The following YAP1 variants were observed in gnomAD, a reference collection of about 807,000 sequenced individuals.
YAP1 encodes transcriptional coactivator YAP1.
Under a neutral mutation model 56.9 loss-of-function variants are expected in YAP1, and 5 were observed. That is an observed-to-expected ratio of 0.09 (90% CI 0.05 to 0.18). The LOEUF (loss-of-function observed/expected upper bound fraction) is 0.18. YAP1 is among the 10% of genes least tolerant of loss of function. YAP1 has a pLI of 1.00. For synonymous variants in YAP1, 265 were observed against 248.1 expected (o/e 1.07, Z -0.64); for missense variants, 539 against 651.8 (o/e 0.83, Z 1.88).
intron 3 of YAP1, among the ~76,000 whole-genome samples, chr11:102,172,761 G>A (rs1946991159): frequency 6.6e-6 from 1 of 152,140 alleles, no homozygotes; most frequent in Non-Finnish European, 1.5e-5. Flanking sequence ...TGGGGATGGA[G>A]GGAGATGATA....
chr11:102,164,951 A>C (rs1200029941), intron 3 of YAP1, among the ~76,000 whole-genome samples: 1 of 151,982 alleles, frequency 6.6e-6, no homozygotes, highest in African/African-American at 2.4e-5. Flanking sequence ...TGAACTCCCA[A>C]CCTCAGGTGA....
chr11:102,164,626 T>C (rs1946490032), intron 3 of YAP1, among the ~76,000 whole-genome samples: 1 of 152,222 alleles, frequency 6.6e-6, no homozygotes, highest in Admixed American at 6.5e-5. Flanking sequence ...TGTCCTATTA[T>C]GTTTTCTGAT....
At chr11:102,222,762 A>C (rs1052871345) in intron 6 of YAP1, among the ~76,000 whole-genome samples, 1 of 152,080 alleles carries the variant, frequency 6.6e-6, no homozygotes, top group Non-Finnish European at 1.5e-5. Context: ...GAAAAACCTA[A>C]AGTCAAAATG....
chr11:102,114,089 G>T, intron 1 of YAP1, 55 bp from the exon 2 acceptor site: 1 of 1,507,346 alleles, frequency 6.6e-7, no homozygotes, highest in Non-Finnish European at 8.9e-7. Context: ...GAAATTTAAA[G>T]GGACTCAGTT....
intron 4 of YAP1, among the ~76,000 whole-genome samples, chr11:102,203,630 A>G (rs981873221): frequency 6.6e-6 from 1 of 152,218 alleles, no homozygotes; most frequent in Non-Finnish European, 1.5e-5. Context: ...ACAAGGATTC[A>G]TTATCTGTAT....
intron 3 of YAP1, among the ~76,000 whole-genome samples, chr11:102,166,877 A>G (rs1245308426): frequency 6.6e-6 from 1 of 152,126 alleles, no homozygotes; most frequent in African/African-American, 2.4e-5. Context: ...TCCTTAAGAT[A>G]CTGTAATTTC....
intron 6 of YAP1, among the ~76,000 whole-genome samples, chr11:102,216,931 A>G (rs1440929778): frequency 6.6e-6 from 1 of 152,204 alleles, no homozygotes; most frequent in East Asian, 1.9e-4. Flanking sequence ...TTCTTCTGTA[A>G]TAATACAAAA....
chr11:102,167,551 G>T (rs1463853045), intron 3 of YAP1, among the ~76,000 whole-genome samples: 1 of 152,128 alleles, frequency 6.6e-6, no homozygotes, highest in East Asian at 1.9e-4. Flanking sequence ...TGGCCAACAT[G>T]GTGAAACCCC....
chr11:102,128,697 T>TG (rs1171223932), intron 2 of YAP1, among the ~76,000 whole-genome samples: 3 of 152,080 alleles, frequency 2.0e-5, no homozygotes, highest in African/African-American at 7.2e-5. Context: ...GACACGAGAG[T>TG]GGTTAGCATT....
chr11:102,212,319 C>G (rs141678744), intron 6 of YAP1, among the ~76,000 whole-genome samples: 30 of 152,222 alleles, frequency 2.0e-4, no homozygotes, highest in African/African-American at 6.7e-4. Context: ...TAAGTACTTC[C>G]TATAGGATTT....
intron 2 of YAP1, among the ~76,000 whole-genome samples, chr11:102,135,100 C>A (rs1944598242): frequency 6.6e-6 from 1 of 152,144 alleles, no homozygotes; most frequent in Non-Finnish European, 1.5e-5. Flanking sequence ...AACTCCTGAC[C>A]TCAGGTGGTC....
intron 3 of YAP1, among the ~76,000 whole-genome samples, chr11:102,175,077 G>A (rs1013030071): frequency 6.6e-6 from 1 of 152,084 alleles, no homozygotes; most frequent in African/African-American, 2.4e-5. Flanking sequence ...AGGATGGGGT[G>A]GGCAGGATGG....
At chr11:102,219,732 A>G (rs1331319347) in intron 6 of YAP1, among the ~76,000 whole-genome samples, 1 of 151,810 alleles carries the variant, frequency 6.6e-6, no homozygotes, top group Non-Finnish European at 1.5e-5. Flanking sequence ...CAAAGATTAT[A>G]CCTGATGACC....
At chr11:102,178,971 A>G (rs1947426434) in intron 3 of YAP1, among the ~76,000 whole-genome samples, 1 of 152,110 alleles carries the variant, frequency 6.6e-6, no homozygotes. Context: ...TTAAACAACC[A>G]GATCTCAGGT....
At chr11:102,187,775 T>C (rs1197765273) in intron 4 of YAP1, among the ~76,000 whole-genome samples, 1 of 152,194 alleles carries the variant, frequency 6.6e-6, no homozygotes, top group Non-Finnish European at 1.5e-5. Flanking sequence ...TGGTCTTTTG[T>C]TTTAAGAGGA....
rs537963067 is a variant in YAP1 at position 102,183,373 on chromosome 11, G to C, written c.689-2645G>C. On this transcript the variant is annotated intron_variant, in intron 3 of 8. Transcript: ENST00000282441. ...ATTTAGGCATTTTCCTCTTGATGGA[G>C]AGCAATAGGAATGTTCTTTAGTAAG... Among the ~76,000 whole-genome samples, 4 of 152,300 alleles carry C rather than the reference G, an allele frequency of 2.6e-5. No homozygotes were observed. The East Asian group carries it at 7.7e-4, about 29-fold the overall frequency.
At chr11:102,202,165 AT>A (rs562786052) in intron 4 of YAP1, among the ~76,000 whole-genome samples, 35 of 146,904 alleles carry the variant, frequency 2.4e-4, no homozygotes, top group Middle Eastern at 3.5e-3. Context: ...AATTATTATT[AT>A]TTTTTTTTTT....
intron 4 of YAP1, among the ~76,000 whole-genome samples, chr11:102,197,820 T>C (rs1948646615): frequency 3.3e-5 from 5 of 152,186 alleles, no homozygotes; most frequent in Admixed American, 2.6e-4. Context: ...GGTAATGCTA[T>C]TCTTTTCTTT....
intron 6 of YAP1, among the ~76,000 whole-genome samples, chr11:102,219,163 G>T (rs1454932664): frequency 6.6e-6 from 1 of 152,160 alleles, no homozygotes; most frequent in East Asian, 1.9e-4. Flanking sequence ...GTTTGTCACA[G>T]AACCCTAGGC....
Sources: allele counts gnomAD v4.1 joint callset (sites outside exome capture counted in the v4.1 genomes callset), GRCh38; gene constraint gnomAD v4.1.1; transcripts MANE v1.5; gene names NCBI Gene and HGNC (gene_info 2026-07-23, HGNC 2026-07-21).